BICC1: variants seen among roughly 807,000 people sequenced by gnomAD.
BICC1 encodes protein bicaudal C homolog 1.
In BICC1, 43 loss-of-function variants were observed where a neutral mutation model predicts 111.0. The ratio of observed to expected loss-of-function variants is 0.39; its 90% CI spans 0.30 to 0.50. The LOEUF is 0.50. Among genes scored for constraint, BICC1 ranks in the 20% least tolerant of loss-of-function variants. The pLI, the probability that BICC1 is intolerant of heterozygous loss-of-function variation, is 0.88. For missense variants in BICC1, 1,091 were observed against 1,203.2 expected, an observed-to-expected ratio of 0.91 and a Z score of 1.38; for synonymous variants, 467 against 434.4, an observed-to-expected ratio of 1.07 and a Z score of -0.93.
At chr10:58,769,575 C>T (rs1177511480) in intron 3 of BICC1, among the ~76,000 whole-genome samples, 1 of 151,392 alleles carries the variant, frequency 6.6e-6, no homozygotes, top group Non-Finnish European at 1.5e-5. Context: ...AGTACCATTT[C>T]CCATATATTG....
chr10:58,592,540 G>A (rs947478462), intron 1 of BICC1, among the ~76,000 whole-genome samples: 9 of 124,448 alleles, frequency 7.2e-5, no homozygotes, highest in African/African-American at 2.0e-4. Flanking sequence ...GTGAAACCCC[G>A]TCTCTACTAA....
intron 3 of BICC1, among the ~76,000 whole-genome samples, chr10:58,776,239 A>G (rs1226747492): frequency 6.6e-6 from 1 of 152,194 alleles, no homozygotes; most frequent in South Asian, 2.1e-4. Context: ...GTGAACTCTT[A>G]AATGCATAGT....
intron 1 of BICC1, among the ~76,000 whole-genome samples, chr10:58,518,591 G>GT (rs1564468233): frequency 4.4e-3 from 105 of 23,744 alleles, no homozygotes; most frequent in African/African-American, 5.5e-3. Flanking sequence ...TGTGTGTGTT[G>GT]GGGGGGGGGG....
chr10:58,781,670 G>T (rs942572866), intron 3 of BICC1, among the ~76,000 whole-genome samples: 1 of 152,122 alleles, frequency 6.6e-6, no homozygotes, highest in Non-Finnish European at 1.5e-5. Flanking sequence ...TCAAGTATTT[G>T]CAGAGTGGGT....
intron 1 of BICC1, among the ~76,000 whole-genome samples, chr10:58,585,631 C>T (rs879265961): frequency 6.6e-6 from 1 of 152,160 alleles, no homozygotes; most frequent in Admixed American, 6.6e-5. Context: ...CCTCCTCCCC[C>T]AGAAAAACCT....
At chr10:58,706,068 TTCTGAC>T (rs1840378402) in intron 3 of BICC1, among the ~76,000 whole-genome samples, 5 of 152,352 alleles carry the variant, frequency 3.3e-5, no homozygotes, top group Admixed American at 6.5e-5. Context: ...ATTTAACTCC[TTCTGAC>T]TCTTAGATTG....
intron 3 of BICC1, among the ~76,000 whole-genome samples, chr10:58,712,957 G>A (rs7895563): frequency 1 from 151,923 of 152,312 alleles, 75,768 homozygotes; most frequent in Middle Eastern, 1. Context: ...ATATTTAAAA[G>A]AATAGTCGTA....
intron 1 of BICC1, among the ~76,000 whole-genome samples, chr10:58,594,659 A>G (rs1032480258): frequency 1.3e-5 from 2 of 152,236 alleles, no homozygotes; most frequent in Non-Finnish European, 2.9e-5. Context: ...AAAATCCTTT[A>G]TAAACAAGCA....
chr10:58,792,226 G>A (rs1378868581), intron 8 of BICC1, among the ~76,000 whole-genome samples: 1 of 151,600 alleles, frequency 6.6e-6, no homozygotes, highest in African/African-American at 2.4e-5. Flanking sequence ...CCTAGACTCA[G>A]TAGATCAGAG....
chr10:58,530,303 C>G (rs1842646980), intron 1 of BICC1, among the ~76,000 whole-genome samples: 1 of 151,694 alleles, frequency 6.6e-6, no homozygotes, highest in African/African-American at 2.4e-5. Flanking sequence ...TAGTTTGTTA[C>G]TTCTGAGGAT....
At chr10:58,527,627 A>C (rs1842579394) in intron 1 of BICC1, among the ~76,000 whole-genome samples, 1 of 152,112 alleles carries the variant, frequency 6.6e-6, no homozygotes, top group Non-Finnish European at 1.5e-5. Flanking sequence ...ATCCGGTTTC[A>C]GCTTTCTACA....
At chr10:58,606,042 ATAAT>A (rs1465745147) in intron 1 of BICC1, among the ~76,000 whole-genome samples, 2 of 152,090 alleles carry the variant, frequency 1.3e-5, no homozygotes, top group Non-Finnish European at 2.9e-5. Context: ...AAGATTTCAG[ATAAT>A]TAATCAGCTT....
chr10:58,579,769 T>C (rs1844215907), intron 1 of BICC1, among the ~76,000 whole-genome samples: 2 of 152,202 alleles, frequency 1.3e-5, no homozygotes, highest in Non-Finnish European at 2.9e-5. Context: ...GGATGCAGGC[T>C]AATTTAGCAT....
In BICC1 at chr10:58,806,995, T is replaced by G; in HGVS notation, c.2222-9T>G. 6.2e-7 allele frequency: 1 copy of G among 1,607,100 alleles called. No individual in the cohort carries two copies. Among genetic ancestry groups the G allele is most frequent in the Non-Finnish European group, 8.5e-7 (1 of 1,176,924 alleles). Reference sequence around the variant, plus strand: ...CATACCAAGCATTGGTTTTATTTTGTTTCCAAAGCTATGTTAAAGAAACCA... The same window carrying G: ...CATACCAAGCATTGGTTTTATTTTGGTTCCAAAGCTATGTTAAAGAAACCA... On this transcript the variant is annotated splice_polypyrimidine_tract_variant and intron_variant, in intron 16 of 20. Transcript: ENST00000373886.
intron 3 of BICC1, among the ~76,000 whole-genome samples, chr10:58,734,720 T>C (rs920232755): frequency 3.9e-5 from 6 of 152,224 alleles, no homozygotes; most frequent in Admixed American, 3.3e-4. Context: ...AAGAAGCTGC[T>C]TTTTTCAAGG....
intron 1 of BICC1, among the ~76,000 whole-genome samples, chr10:58,590,137 A>C (rs1280330937): frequency 6.6e-6 from 1 of 152,212 alleles, no homozygotes; most frequent in African/African-American, 2.4e-5. Context: ...AGCATGGAGC[A>C]GAAGTCTTGA....
intron 3 of BICC1, among the ~76,000 whole-genome samples, 179 bp from the exon 4 acceptor site, chr10:58,784,822 C>T (rs1176695346): frequency 6.6e-6 from 1 of 152,080 alleles, no homozygotes; most frequent in East Asian, 1.9e-4. Flanking sequence ...TGGGCATTTT[C>T]CATATTCCTG....
chr10:58,627,503 C>A (rs188058266), intron 2 of BICC1, among the ~76,000 whole-genome samples: 44 of 152,332 alleles, frequency 2.9e-4, no homozygotes, highest in Non-Finnish European at 4.7e-4. Context: ...CAGACTTCCT[C>A]ATTTATGGTT....
chr10:58,582,826 C>T lies in BICC1; in HGVS notation c.191-38029C>T, dbSNP rs1844319589. On this transcript the variant is annotated intron_variant, in intron 1 of 20. Coordinates refer to ENST00000373886, the MANE Select transcript of BICC1 (RefSeq NM_001080512.3). ...ACCTGATTCTTCTGCCTTTCTCTTC[C>T]ATCTTTTTAAGAACTCTTGTGATTG... Among the ~76,000 whole-genome samples, 3 of 152,250 alleles carry T rather than the reference C, an allele frequency of 2.0e-5. No individual in the cohort carries two copies. The South Asian group carries it at 6.2e-4, about 32-fold the overall frequency.
Sources: allele counts gnomAD v4.1 joint callset (sites outside exome capture counted in the v4.1 genomes callset), GRCh38; gene constraint gnomAD v4.1.1; transcripts MANE v1.5; gene names NCBI Gene and HGNC (gene_info 2026-07-23, HGNC 2026-07-21).